TBC1D5: variants seen among roughly 807,000 people sequenced by gnomAD.
TBC1D5 encodes the protein TBC1 domain family, member 5.
TBC1D5 carries 75 observed loss-of-function variants against 100.3 expected under a neutral mutation model. The ratio of observed to expected loss-of-function variants is 0.75; its 90% confidence interval spans 0.62 to 0.91. The LOEUF (loss-of-function observed/expected upper bound fraction) is 0.91. Ranked by LOEUF, TBC1D5 falls within the 40% of genes least tolerant of loss-of-function variation. The pLI, the probability that TBC1D5 is intolerant of heterozygous loss-of-function variation, is 0.00. For missense variants in TBC1D5, 910 were observed against 942.4 expected (o/e 0.97, Z 0.45); for synonymous variants, 323 against 325.6 (o/e 0.99, Z 0.09).
chr3:17,722,474 G>A (rs2075785317), intron 1 of TBC1D5, among the ~76,000 whole-genome samples: 1 of 152,082 alleles, frequency 6.6e-6, no homozygotes. Context: ...TGCATCACAG[G>A]TCAGGTTTGA....
At position 17,233,766 on chromosome 3, in the gene TBC1D5, A is replaced by T. The variant is rs1238383918; in HGVS notation, c.1588+4397T>A. 1 of 1,509,858 alleles carries T rather than the reference A, an allele frequency of 6.6e-7. No homozygotes were observed. The highest frequency in any genetic ancestry group is 9.0e-7 in the Non-Finnish European group (1 of 1,114,708). 93.5% of individuals were successfully genotyped at this position (1,509,858 alleles called of 1,614,324 possible). ...ACTACATCGCCTGGATTTCATAAGA[A>T]AAAATAATTAGATTTCATAAAAAGG... On this transcript the variant is annotated intron_variant, in intron 17 of 21. Coordinates refer to ENST00000253692, the Ensembl canonical transcript of TBC1D5.
At chr3:17,225,623 G>A (rs2074802188) in intron 17 of TBC1D5, among the ~76,000 whole-genome samples, 1 of 152,020 alleles carries the variant, frequency 6.6e-6, no homozygotes, top group South Asian at 2.1e-4. Context: ...GCAACATAGT[G>A]AGAACCAAAC....
chr3:17,447,687 AT>A, intron 3 of TBC1D5, among the ~76,000 whole-genome samples: 1 of 152,240 alleles, frequency 6.6e-6, no homozygotes, highest in Non-Finnish European at 1.5e-5. Flanking sequence ...TATGGTGATC[AT>A]GAACTTAGGC....
At chr3:17,270,231 T>C (rs1299731370) in intron 15 of TBC1D5, among the ~76,000 whole-genome samples, 2 of 152,172 alleles carry the variant, frequency 1.3e-5, no homozygotes, top group Non-Finnish European at 2.9e-5. Context: ...TTGATTTGCA[T>C]CTCTGATGAT....
rs544235615 is a variant in TBC1D5, at chr3:17,242,064, T to G, written c.1332-3645A>C. ...ACGCTGTGAATGAAAATAGGTGATTTTAGCTATCTCTTCCTAGATTTTTAT... is the reference window on the plus strand; with the variant it reads ...ACGCTGTGAATGAAAATAGGTGATTGTAGCTATCTCTTCCTAGATTTTTAT... On this transcript the variant is annotated intron_variant, in intron 16 of 21. Coordinates refer to ENST00000253692, the Ensembl canonical transcript of TBC1D5. 5.6e-4 allele frequency among the ~76,000 whole-genome samples: 86 copies of G among 152,316 alleles called. 2 individuals carry two copies. In the South Asian group the frequency reaches 0.017, roughly 29 times the overall value.
At chr3:17,483,287 A>G (rs893844858) in intron 3 of TBC1D5, among the ~76,000 whole-genome samples, 1 of 152,044 alleles carries the variant, frequency 6.6e-6, no homozygotes, top group African/African-American at 2.4e-5. Context: ...CCATTCTTAA[A>G]CCACCCCCCA....
chr3:17,674,996 C>T (rs1250440959), intron 1 of TBC1D5, among the ~76,000 whole-genome samples: 2 of 152,012 alleles, frequency 1.3e-5, no homozygotes, highest in Non-Finnish European at 1.5e-5. Flanking sequence ...TACTAGTATA[C>T]AGCAGAAACT....
chr3:17,508,386 A>T, intron 3 of TBC1D5, 88 bp downstream of exon 3: 2 of 985,238 alleles, frequency 2.0e-6, no homozygotes, highest in Non-Finnish European at 3.2e-6. Context: ...ATGTGTTCAC[A>T]CACATAAGGT....
At chr3:17,169,987 G>A (rs1335355050) in intron 19 of TBC1D5, among the ~76,000 whole-genome samples, 4 of 152,230 alleles carry the variant, frequency 2.6e-5, no homozygotes, top group African/African-American at 9.6e-5. Flanking sequence ...ATCCAATGCT[G>A]CCTCTGATCT....
intron 13 of TBC1D5, among the ~76,000 whole-genome samples, chr3:17,337,123 G>GTTTTTTTTTTTTTTTTTTTTTTTTTTTT (rs11328091): frequency 8.6e-6 from 1 of 116,152 alleles, no homozygotes; most frequent in African/African-American, 3.5e-5. Flanking sequence ...TATCTGAGAG[G>GTTTTTTTTTTTTTTTTTTTTTTTTTTTT]TTTTTTTTTT....
intron 13 of TBC1D5, among the ~76,000 whole-genome samples, chr3:17,353,461 T>C (rs1051488204): frequency 6.6e-6 from 1 of 152,050 alleles, no homozygotes; most frequent in Non-Finnish European, 1.5e-5. Flanking sequence ...TCTACTGAAA[T>C]TGTAAATTAC....
chr3:17,294,836 G>A (rs2082094268), intron 14 of TBC1D5, among the ~76,000 whole-genome samples: 1 of 152,190 alleles, frequency 6.6e-6, no homozygotes, highest in African/African-American at 2.4e-5. Flanking sequence ...GATATGCTAA[G>A]TATTAAATCT....
At chr3:17,471,074 A>G (rs533551022) in intron 3 of TBC1D5, among the ~76,000 whole-genome samples, 42 of 152,334 alleles carry the variant, frequency 2.8e-4, no homozygotes, top group African/African-American at 9.9e-4. Context: ...AATAAGCACT[A>G]TCACTCCAGT....
intron 13 of TBC1D5, among the ~76,000 whole-genome samples, chr3:17,350,948 T>G (rs1331733214): frequency 1.3e-5 from 2 of 152,126 alleles, no homozygotes; most frequent in Admixed American, 1.3e-4. Flanking sequence ...CCCCAAATAC[T>G]ATAGAAGATG....
At chr3:17,490,295 C>T (rs1422591603) in intron 3 of TBC1D5, among the ~76,000 whole-genome samples, 4 of 151,994 alleles carry the variant, frequency 2.6e-5, no homozygotes, top group African/African-American at 4.8e-5. Context: ...CTGTAGGCTG[C>T]GCTGATGATA....
At chr3:17,591,233 C>CAAGAAAAAAAAAAAAAAAA (rs2096766590) in intron 2 of TBC1D5, among the ~76,000 whole-genome samples, 1 of 18,640 alleles carries the variant, frequency 5.4e-5, no homozygotes. Context: ...AAGGATCTGT[C>CAAGAAAAAAAAAAAAAAAA]AAAAAAAAAA....
chr3:17,495,919 G>A (rs974709860), intron 3 of TBC1D5, among the ~76,000 whole-genome samples: 5 of 152,166 alleles, frequency 3.3e-5, no homozygotes, highest in African/African-American at 1.2e-4. Flanking sequence ...TTTCCAGGAT[G>A]TATGTTCCCC....
chr3:17,232,275 G>C (rs1260291233), intron 17 of TBC1D5, among the ~76,000 whole-genome samples: 1 of 152,032 alleles, frequency 6.6e-6, no homozygotes, highest in Non-Finnish European at 1.5e-5. Context: ...GTATAAATTG[G>C]GCTCCATATC....
At chr3:17,624,009 C>G (rs2062872986) in intron 1 of TBC1D5, 96 bp from the exon 2 acceptor site, 1 of 151,974 alleles carries the variant, frequency 6.6e-6, no homozygotes, top group Admixed American at 6.6e-5. Context: ...TAAACTGATT[C>G]ATATACAACT....
Sources: gnomAD v4.1 joint callset for allele counts (sites outside exome capture counted in the v4.1 genomes callset) on GRCh38, gnomAD v4.1.1 for gene constraint, MANE v1.5 for transcripts, NCBI Gene and HGNC (gene_info 2026-07-23, HGNC 2026-07-21) for gene names.